KCNIP4: variants seen among roughly 807,000 people sequenced by gnomAD.
The protein encoded by KCNIP4 is potassium voltage-gated channel interacting protein 4, also known as Kv channel-interacting protein 4.
Under a neutral mutation model 34.0 loss-of-function variants are expected in KCNIP4, and 12 were observed. That is an observed-to-expected ratio of 0.35 (90% CI 0.23 to 0.57). The LOEUF (loss-of-function observed/expected upper bound fraction) is 0.57. Among genes scored for constraint, KCNIP4 ranks in the 20% least tolerant of loss-of-function variants. The pLI is 0.83. For synonymous variants in KCNIP4, 124 were observed against 102.2 expected (o/e 1.21, Z -1.29); for missense variants, 238 against 311.7 (o/e 0.76, Z 1.78).
At chr4:21,240,534 A>G (rs1410462454) in intron 1 of KCNIP4, among the ~76,000 whole-genome samples, 2 of 152,128 alleles carry the variant, frequency 1.3e-5, no homozygotes, top group Non-Finnish European at 2.9e-5. Context: ...ACTCAGGCAA[A>G]TAATTTTTTC....
intron 1 of KCNIP4, among the ~76,000 whole-genome samples, chr4:21,165,273 G>A (rs1215297688): frequency 1.9e-4 from 1 of 5,282 alleles, no homozygotes; most frequent in Non-Finnish European, 3.4e-4. Context: ...TCGGGGGAGG[G>A]GGGAGGGATA....
intron 1 of KCNIP4, among the ~76,000 whole-genome samples, chr4:21,789,855 T>A (rs1243570902): frequency 2.0e-5 from 3 of 152,210 alleles, no homozygotes; most frequent in Non-Finnish European, 4.4e-5. Context: ...CCACCCAAGT[T>A]GGGCCTTCCA....
chr4:21,143,793 T>G (rs1177591734), intron 1 of KCNIP4, among the ~76,000 whole-genome samples: 1 of 151,454 alleles, frequency 6.6e-6, no homozygotes, highest in African/African-American at 2.4e-5. Flanking sequence ...AACCTCCACC[T>G]CCCAGGTTCA....
intron 1 of KCNIP4, among the ~76,000 whole-genome samples, chr4:21,483,538 C>G (rs1731636883): frequency 6.6e-6 from 1 of 151,994 alleles, no homozygotes; most frequent in Non-Finnish European, 1.5e-5. Flanking sequence ...GCCTGTAATC[C>G]CAGCACTTTG....
chr4:21,423,832 G>C (rs1322278649), intron 1 of KCNIP4, among the ~76,000 whole-genome samples: 1 of 150,040 alleles, frequency 6.7e-6, no homozygotes, highest in Non-Finnish European at 1.5e-5. Context: ...TTTTGAGACG[G>C]AGTCTCGCTC....
In KCNIP4 at chr4:21,333,387, A is replaced by C. The variant is rs182947096; in HGVS notation, c.62-450678T>G. Among the ~76,000 whole-genome samples, 667 of 151,938 alleles carry C rather than the reference A, an allele frequency of 4.4e-3. 6 individuals are homozygous for C. The highest frequency in any genetic ancestry group is 0.015 in the African/African-American group (632 of 41,476). On this transcript the variant is annotated intron_variant, in intron 1 of 8. Coordinates refer to ENST00000382152, the MANE Select transcript of KCNIP4 (RefSeq NM_025221.6). ...AAAATAAAATAACCTAAAATTAAAA[A>C]AAAATCAGTAAGCCTTAATTGAACA...
chr4:20,966,807 G>A (rs754012609), intron 1 of KCNIP4, among the ~76,000 whole-genome samples: 6 of 152,130 alleles, frequency 3.9e-5, no homozygotes, highest in Non-Finnish European at 8.8e-5. Flanking sequence ...GAAAATCTGG[G>A]TTACAATACT....
intron 1 of KCNIP4, among the ~76,000 whole-genome samples, chr4:21,264,746 C>G (rs952528938): frequency 6.6e-6 from 1 of 152,016 alleles, no homozygotes; most frequent in South Asian, 2.1e-4. Context: ...AAAAGAGAAA[C>G]TTAGCCTGGC....
intron 1 of KCNIP4, among the ~76,000 whole-genome samples, chr4:21,889,538 C>T (rs1480702341): frequency 6.6e-6 from 1 of 152,102 alleles, no homozygotes; most frequent in Non-Finnish European, 1.5e-5. Flanking sequence ...GAGCTATCAT[C>T]CCTATGATCC....
chr4:20,858,496 A>G (rs1275655694), intron 2 of KCNIP4, among the ~76,000 whole-genome samples: 1 of 152,178 alleles, frequency 6.6e-6, no homozygotes, highest in East Asian at 1.9e-4. Context: ...AGTTTGCACA[A>G]TGAGTGCTGG....
chr4:21,190,956 T>C (rs1197313201), intron 1 of KCNIP4, among the ~76,000 whole-genome samples: 2 of 152,220 alleles, frequency 1.3e-5, no homozygotes, highest in Non-Finnish European at 2.9e-5. Context: ...GCAGTAATCC[T>C]TCCCTGGATA....
chr4:21,437,863 T>C (rs987758489), intron 1 of KCNIP4, among the ~76,000 whole-genome samples: 6 of 148,960 alleles, frequency 4.0e-5, no homozygotes, highest in Non-Finnish European at 1.5e-5. Flanking sequence ...TAAGGTTTTA[T>C]GTCTTTTTAT....
intron 1 of KCNIP4, among the ~76,000 whole-genome samples, chr4:21,819,690 T>C (rs1722211264): frequency 6.6e-6 from 1 of 152,176 alleles, no homozygotes; most frequent in African/African-American, 2.4e-5. Flanking sequence ...TAAGTTAACT[T>C]AGTTTTGTGA....
intron 1 of KCNIP4, among the ~76,000 whole-genome samples, chr4:20,915,246 C>T (rs1400155414): frequency 1.3e-5 from 2 of 152,140 alleles, no homozygotes; most frequent in African/African-American, 4.8e-5. Flanking sequence ...ATATGCCAGC[C>T]CTGGCAACTG....
At chr4:21,437,036 C>T (rs781147206) in intron 1 of KCNIP4, among the ~76,000 whole-genome samples, 3 of 152,162 alleles carry the variant, frequency 2.0e-5, no homozygotes, top group Non-Finnish European at 4.4e-5. Context: ...TTTTCCTGCC[C>T]CAGCTATATC....
At chr4:21,369,948 C>A (rs530426090) in intron 1 of KCNIP4, among the ~76,000 whole-genome samples, 10 of 146,262 alleles carry the variant, frequency 6.8e-5, no homozygotes, top group South Asian at 2.1e-4. Context: ...CTGCCTCAGC[C>A]TCCCGAGTAG....
chr4:20,744,650 G>T (rs1255143848), intron 5 of KCNIP4, among the ~76,000 whole-genome samples: 1 of 152,042 alleles, frequency 6.6e-6, no homozygotes, highest in East Asian at 1.9e-4. Flanking sequence ...GATAGCATTA[G>T]GAGAAATAAA....
chr4:21,356,330 G>T (rs996069858), intron 1 of KCNIP4, among the ~76,000 whole-genome samples: 2 of 152,084 alleles, frequency 1.3e-5, no homozygotes, highest in Non-Finnish European at 2.9e-5. Flanking sequence ...GGGCAATCAG[G>T]CAAGAGAAAG....
chr4:21,521,685 C>A (rs1735540687), intron 1 of KCNIP4, among the ~76,000 whole-genome samples: 1 of 152,104 alleles, frequency 6.6e-6, no homozygotes, highest in Non-Finnish European at 1.5e-5. Flanking sequence ...TATTCATTAT[C>A]TTCACCCAAA....
Sources: gnomAD v4.1 joint callset for allele counts (sites outside exome capture counted in the v4.1 genomes callset) on GRCh38, gnomAD v4.1.1 for gene constraint, MANE v1.5 for transcripts, NCBI Gene and HGNC (gene_info 2026-07-23, HGNC 2026-07-21) for gene names.